The following SAMMSON variants were observed in gnomAD, a reference collection of about 807,000 sequenced individuals.
SAMMSON encodes the protein survival associated mitochondrial melanoma specific oncogenic non-coding RNA.
At chr3:70,294,820 T>G (rs1575618645) in intron 7 of SAMMSON, among the ~76,000 whole-genome samples, 1 of 152,172 alleles carries the variant, frequency 6.6e-6, no homozygotes, top group Middle Eastern at 3.4e-3. Context: ...TATAAGATGG[T>G]TTCCCAAGTT....
intron 4 of SAMMSON, among the ~76,000 whole-genome samples, chr3:70,124,649 A>G (rs1485734358): frequency 6.6e-6 from 1 of 151,776 alleles, no homozygotes; most frequent in Non-Finnish European, 1.5e-5. Context: ...CGTCTCTACT[A>G]AAAATACAGA....
At chr3:70,285,214 C>A (rs960751995) in intron 6 of SAMMSON, among the ~76,000 whole-genome samples, 11 of 123,314 alleles carry the variant, frequency 8.9e-5, no homozygotes, top group Non-Finnish European at 1.5e-4. Flanking sequence ...CCCCTCCCCC[C>A]ACCCCACAAC....
intron 7 of SAMMSON, among the ~76,000 whole-genome samples, chr3:70,298,693 G>C (rs2106699651): frequency 6.6e-6 from 1 of 152,138 alleles, no homozygotes; most frequent in African/African-American, 2.4e-5. Flanking sequence ...ATATTGACTT[G>C]CCCAAACTTT....
At chr3:70,131,683 C>T (rs368109634) in intron 4 of SAMMSON, among the ~76,000 whole-genome samples, 1 of 152,262 alleles carries the variant, frequency 6.6e-6, no homozygotes, top group African/African-American at 2.4e-5. Flanking sequence ...TAAACTCAAA[C>T]GATTCTCTCA....
intron 2 of SAMMSON, among the ~76,000 whole-genome samples, chr3:70,419,323 G>A (rs1334516515): frequency 6.6e-6 from 1 of 151,882 alleles, no homozygotes; most frequent in African/African-American, 2.4e-5. Context: ...ATGAGCCACT[G>A]CGCCTGGCCA....
intron 4 of SAMMSON, among the ~76,000 whole-genome samples, chr3:70,084,541 G>C (rs185585977): frequency 3.9e-5 from 6 of 152,228 alleles, no homozygotes; most frequent in Admixed American, 2.6e-4. Context: ...GTGGAGTAAT[G>C]GGAAAGGGGT....
At chr3:70,308,491 T>C (rs1033268266) in intron 7 of SAMMSON, among the ~76,000 whole-genome samples, 1 of 152,162 alleles carries the variant, frequency 6.6e-6, no homozygotes. Context: ...TCTAATTTTT[T>C]GTAACAGCTC....
chr3:70,243,938 G>A (rs1407934650), intron 4 of SAMMSON, among the ~76,000 whole-genome samples: 1 of 152,138 alleles, frequency 6.6e-6, no homozygotes. Flanking sequence ...GAGGAGGTAA[G>A]GGTCACCTTT....
chr3:70,258,435 G>A (rs1415177868), intron 6 of SAMMSON, among the ~76,000 whole-genome samples: 4 of 152,254 alleles, frequency 2.6e-5, no homozygotes, highest in South Asian at 2.1e-4. Flanking sequence ...TACAGAGAGA[G>A]AGAGAGAGAT....
At chr3:70,231,940 G>A (rs1474195653) in intron 4 of SAMMSON, among the ~76,000 whole-genome samples, 2 of 152,118 alleles carry the variant, frequency 1.3e-5, no homozygotes, top group Non-Finnish European at 2.9e-5. Flanking sequence ...AATAACAGTC[G>A]TGTATTCTTG....
At chr3:70,101,065 A>ACCC in intron 4 of SAMMSON, among the ~76,000 whole-genome samples, 1 of 152,178 alleles carries the variant, frequency 6.6e-6, no homozygotes, top group East Asian at 1.9e-4. Context: ...CTGGTGGATT[A>ACCC]TTATGGTTTA....
intron 4 of SAMMSON, among the ~76,000 whole-genome samples, chr3:70,229,552 G>A (rs1416308660): frequency 6.6e-6 from 1 of 152,186 alleles, no homozygotes. Flanking sequence ...TCTGGCTGAA[G>A]GGACATGGGC....
chr3:70,199,595 C>T (rs769628035), intron 4 of SAMMSON, among the ~76,000 whole-genome samples: 2 of 152,134 alleles, frequency 1.3e-5, no homozygotes, highest in Non-Finnish European at 2.9e-5. Flanking sequence ...GAGTTCCACA[C>T]TTTTCCTAAA....
At chr3:70,191,034 A>C (rs1348877333) in intron 4 of SAMMSON, among the ~76,000 whole-genome samples, 3 of 152,132 alleles carry the variant, frequency 2.0e-5, no homozygotes, top group Non-Finnish European at 4.4e-5. Context: ...CTCAACTTTA[A>C]ATGATGAGTA....
intron 2 of SAMMSON, among the ~76,000 whole-genome samples, chr3:70,419,632 A>C (rs1177943620): frequency 1.3e-5 from 2 of 152,002 alleles, no homozygotes; most frequent in East Asian, 3.9e-4. Flanking sequence ...CAATTATGCT[A>C]TCTGAAAATG....
At chr3:70,153,069 A>T (rs2067577781) in intron 4 of SAMMSON, among the ~76,000 whole-genome samples, 1 of 151,928 alleles carries the variant, frequency 6.6e-6, no homozygotes, top group Non-Finnish European at 1.5e-5. Context: ...GAGCCAACAC[A>T]TTGTCCCTAG....
chr3:70,127,624 A>C (rs944996428), intron 4 of SAMMSON: 11 of 152,142 alleles, frequency 7.2e-5, no homozygotes, highest in Non-Finnish European at 1.5e-5. Flanking sequence ...GCCATAACTA[A>C]ATTAGTCCAT....
intron 4 of SAMMSON, chr3:70,204,605 C>T (rs972242847): frequency 2.0e-5 from 3 of 151,922 alleles, no homozygotes; most frequent in African/African-American, 7.3e-5. Context: ...ATTTAATTAT[C>T]TTCATGGATC....
intron 6 of SAMMSON, among the ~76,000 whole-genome samples, chr3:70,255,941 G>T (rs151000139): frequency 1.2e-4 from 18 of 152,266 alleles, no homozygotes; most frequent in African/African-American, 4.1e-4. Context: ...GGGAGAATTG[G>T]TAAACTTTTT....
Sources: allele counts gnomAD v4.1 joint callset (sites outside exome capture counted in the v4.1 genomes callset), GRCh38; gene constraint gnomAD v4.1.1; transcripts MANE v1.5; gene names NCBI Gene and HGNC (gene_info 2026-07-23, HGNC 2026-07-21).